ANXA1: variants seen among roughly 807,000 people sequenced by gnomAD.
The protein encoded by ANXA1 is annexin I (lipocortin I).
ANXA1 carries 39 observed loss-of-function variants against 47.9 expected under a neutral mutation model. The observed-to-expected ratio is 0.81, with a 90% CI of 0.63 to 1.06. ANXA1 has a LOEUF of 1.06. Among genes scored for constraint, ANXA1 ranks in the 50% least tolerant of loss-of-function variants. The probability of loss-of-function intolerance (pLI) is 0.00; values close to 1 mark genes in which losing one functional copy is unlikely to be tolerated. For missense variants in ANXA1, 446 were observed against 422.7 expected, an observed-to-expected ratio of 1.06 and a Z score of -0.48; for synonymous variants, 146 against 142.5, an observed-to-expected ratio of 1.02 and a Z score of -0.17.
Position 73,160,306 on chromosome 9 carries a change from AG to A in ANXA1, c.316del (p.Glu106ArgfsTer4). ...AAGAAAGCCCTTACAGGTCACCTTG[AG>A]GAGGTTGTTTTAGCTCTGCTAAAAA... Reference protein sequence around the residue: ...TLKKALTGHLEEVVLALLKTP... With the variant: ...TLKKALTGHLXEVVLALLKTP... On this transcript the variant is annotated frameshift_variant, in exon 5 of 13. Transcript: ENST00000257497. LOFTEE classifies it high-confidence loss of function. 6.3e-7 allele frequency: 1 copy of A among 1,586,488 alleles called. No individual in the cohort carries two copies.
intron 4 of ANXA1, chr9:73,159,722 T>C (rs573845757): frequency 1.3e-5 from 3 of 222,466 alleles, no homozygotes; most frequent in South Asian, 7.7e-5. Flanking sequence ...TATGGTCTGA[T>C]TGAAATGTAC....
intron 11 of ANXA1, chr9:73,167,898 C>T (rs1315255244): frequency 4.8e-6 from 1 of 208,494 alleles, no homozygotes; most frequent in African/African-American, 2.3e-5. Context: ...GTTTTATAAT[C>T]TCCCACTTTA....
intron 1 of ANXA1, among the ~76,000 whole-genome samples, chr9:73,152,586 T>C (rs1823988999): frequency 6.6e-6 from 1 of 152,198 alleles, no homozygotes; most frequent in African/African-American, 2.4e-5. Flanking sequence ...CTGTGTCATA[T>C]ACAGTCTTTT....
intron 1 of ANXA1, 105 bp from the exon 2 acceptor site, chr9:73,158,417 A>G (rs1216764549): frequency 2.4e-6 from 2 of 833,782 alleles, no homozygotes; most frequent in African/African-American, 1.7e-5. Context: ...AAGTAAGCGC[A>G]AGGCTACTCT....
chr9:73,170,191 TC>T lies in ANXA1; in HGVS notation c.*85del. The T allele has an allele frequency of 8.5e-7, 1 of 1,181,590 alleles. No individual in the cohort carries two copies. The highest frequency in any genetic ancestry group is 1.2e-6 in the Non-Finnish European group (1 of 834,598). 73.2% of individuals were successfully genotyped at this position (1,181,590 alleles called of 1,614,324 possible). On this transcript the variant is annotated 3_prime_UTR_variant, in exon 13 of 13. Coordinates refer to ENST00000257497, the MANE Select transcript of ANXA1 (RefSeq NM_000700.3). ...TATAAGCTTAAATAGGAAAGTTTCT[TC>T]AACAGGATTACAGTGTAGCTACCTA...
At chr9:73,161,046 C>T (rs1029268253) in intron 6 of ANXA1, among the ~76,000 whole-genome samples, 153 bp downstream of exon 6, 11 of 152,170 alleles carry the variant, frequency 7.2e-5, no homozygotes, top group African/African-American at 2.4e-4. Context: ...CTATTAAATG[C>T]TGTTACCAGG....
intron 1 of ANXA1, among the ~76,000 whole-genome samples, chr9:73,155,243 A>T (rs1277894756): frequency 6.6e-6 from 1 of 152,238 alleles, no homozygotes; most frequent in Non-Finnish European, 1.5e-5. Context: ...GCTCATGCTA[A>T]GTACTGAAAT....
At chr9:73,164,887 A>G (rs1482323118) in intron 8 of ANXA1, among the ~76,000 whole-genome samples, 2 of 152,288 alleles carry the variant, frequency 1.3e-5, no homozygotes, top group African/African-American at 2.4e-5. Context: ...TTCTGCAAAC[A>G]TATATTCAGA....
chr9:73,158,499 G>T (rs185723500), intron 1 of ANXA1, 23 bp from the exon 2 acceptor site: 1 of 1,592,338 alleles, frequency 6.3e-7, no homozygotes, highest in South Asian at 1.1e-5. Context: ...TTTTGTAAAA[G>T]CATCTAACTG....
In ANXA1 at chr9:73,166,255, T is replaced by C. The variant is rs892583460; in HGVS notation, c.802+63T>C. On this transcript the variant is annotated intron_variant, in intron 10 of 12. Transcript: ENST00000257497. ...AAATTGTATTTTCAAAGCTATCCTATACTTAACAAGAACAACAGCAACAAA... is the reference window on the plus strand; with the variant it reads ...AAATTGTATTTTCAAAGCTATCCTACACTTAACAAGAACAACAGCAACAAA... The C allele has an allele frequency of 1.6e-5, 19 of 1,199,152 alleles. No homozygotes were observed. The African/African-American group carries it at 1.7e-4, about 11-fold the overall frequency. The allele number at this position is 1,199,152 out of a possible 1,614,324, so 74.3% of individuals were successfully genotyped here.
At chr9:73,166,719 C>G (rs965116181) in intron 10 of ANXA1, among the ~76,000 whole-genome samples, 8 of 152,114 alleles carry the variant, frequency 5.3e-5, no homozygotes, top group Admixed American at 3.9e-4. Context: ...TCATTCATGA[C>G]TATGCACTTG....
chr9:73,156,023 C>A (rs1824040384), intron 1 of ANXA1, among the ~76,000 whole-genome samples: 1 of 148,466 alleles, frequency 6.7e-6, no homozygotes, highest in African/African-American at 2.5e-5. Context: ...TCAGAGACAC[C>A]TTTAATATTA....
chr9:73,164,880 T>C (rs1824200825), intron 8 of ANXA1, among the ~76,000 whole-genome samples: 1 of 152,180 alleles, frequency 6.6e-6, no homozygotes, highest in South Asian at 2.1e-4. Context: ...ACATTTATTC[T>C]GCAAACATAT....
chr9:73,158,592 G>A lies in ANXA1; in HGVS notation c.57G>A (p.Gln19=). The A allele has an allele frequency of 6.2e-7, 1 of 1,613,486 alleles. No individual in the cohort carries two copies. Among genetic ancestry groups the A allele is most frequent in the Non-Finnish European group, 8.5e-7 (1 of 1,179,636 alleles). ...KQAWFIENEE[Q]EYVQTVKSSK... ...CCTGGTTTATTGAAAATGAAGAGCAGGAATATGTTGTAAGTAGAGTGATAA... is the reference window on the plus strand; with the variant it reads ...CCTGGTTTATTGAAAATGAAGAGCAAGAATATGTTGTAAGTAGAGTGATAA... Residue 19 remains glutamine, a synonymous_variant, in exon 2 of 13, where the codon CAG becomes CAA. Transcript: ENST00000257497.
chr9:73,154,058 G>A, intron 1 of ANXA1: 1 of 316,472 alleles, frequency 3.2e-6, no homozygotes. Context: ...GGAAGTGAAT[G>A]TGGAGGAGGA....
chr9:73,153,215 T>C (rs1823997841), intron 1 of ANXA1, among the ~76,000 whole-genome samples: 13 of 152,232 alleles, frequency 8.5e-5, no homozygotes, highest in Admixed American at 8.5e-4. Context: ...AGCCAGAGTT[T>C]CATGCTTATT....
chr9:73,151,960 G>A (rs945067591), intron 1 of ANXA1, 36 bp downstream of exon 1: 2 of 152,112 alleles, frequency 1.3e-5, no homozygotes, highest in African/African-American at 4.8e-5. Context: ...AGTTTTGGTT[G>A]TTTTGAAAAC....
At chr9:73,157,797 T>G (rs2118142028) in intron 1 of ANXA1, 1 of 152,216 alleles carries the variant, frequency 6.6e-6, no homozygotes, top group South Asian at 2.1e-4. Flanking sequence ...CTCTTAGCCA[T>G]TCTCCATGAT....
In ANXA1 at chr9:73,158,744, A is replaced by G. The variant is rs1563961674; in HGVS notation, c.116A>G (p.Tyr39Cys). Reference sequence around the variant, plus strand: ...GGTCCCGGATCAGCGGTGAGCCCCTATCCTACCTTCAATCCATCCTCGGAT... The same window carrying G: ...GGTCCCGGATCAGCGGTGAGCCCCTGTCCTACCTTCAATCCATCCTCGGAT... Reference protein sequence around the residue: ...KGGPGSAVSPYPTFNPSSDVA... With the variant: ...KGGPGSAVSPCPTFNPSSDVA... Residue 39 changes from tyrosine (Y) to cysteine (C), a missense_variant, in exon 3 of 13, where the codon TAT becomes TGT. Tyr to Cys is a radical substitution (Grantham distance 194). Coordinates refer to ENST00000257497, the MANE Select transcript of ANXA1 (RefSeq NM_000700.3). The G allele has an allele frequency of 3.7e-6, 6 of 1,613,928 alleles. No individual in the cohort carries two copies. The South Asian group carries it at 4.4e-5, about 12-fold the overall frequency.
Sources: gnomAD v4.1 joint callset for allele counts (sites outside exome capture counted in the v4.1 genomes callset) on GRCh38, gnomAD v4.1.1 for gene constraint, MANE v1.5 for transcripts, NCBI Gene and HGNC (gene_info 2026-07-23, HGNC 2026-07-21) for gene names.